Variants in SHANK2 observed in about 807,000 individuals in gnomAD.
SHANK2 encodes SH3 and multiple ankyrin repeat domains 2.
In SHANK2, 43 loss-of-function variants were observed where a neutral mutation model predicts 133.7. The observed-to-expected ratio is 0.32, with a 90% CI of 0.25 to 0.41. The LOEUF is 0.41. SHANK2 is among the 10% of genes least tolerant of loss of function. The pLI, the probability that SHANK2 is intolerant of heterozygous loss-of-function variation, is 1.00. For missense variants in SHANK2, 1,994 were observed against 2,235.8 expected (o/e 0.89, Z 2.18); for synonymous variants, 1,017 against 952.8 (o/e 1.07, Z -1.24).
chr11:70,722,477 C>T (rs1181393772), intron 14 of SHANK2, among the ~76,000 whole-genome samples: 5 of 152,228 alleles, frequency 3.3e-5, no homozygotes, highest in South Asian at 4.1e-4. Context: ...CTGATTCAAT[C>T]CCCTCTGTTT....
intron 17 of SHANK2, among the ~76,000 whole-genome samples, chr11:70,632,644 A>T (rs184819115): frequency 1.6e-3 from 239 of 152,106 alleles, no homozygotes; most frequent in Non-Finnish European, 2.3e-3. Context: ...TCTCCCAGGG[A>T]TGTGGGCACA....
chr11:71,158,457 TAAAG>T (rs1343151470), intron 2 of SHANK2, among the ~76,000 whole-genome samples: 9 of 152,166 alleles, frequency 5.9e-5, no homozygotes, highest in Non-Finnish European at 1.0e-4. Flanking sequence ...CTTTTTGAAA[TAAAG>T]AAAGAATTGA....
chr11:70,826,738 G>C (rs1555057290), intron 11 of SHANK2: 1 of 316,314 alleles, frequency 3.2e-6, no homozygotes, highest in Non-Finnish European at 6.3e-6. Flanking sequence ...CACGTAGACG[G>C]GCTGCTCTCA....
chr11:71,112,407 G>T (rs1475030586), intron 5 of SHANK2, among the ~76,000 whole-genome samples: 1 of 152,128 alleles, frequency 6.6e-6, no homozygotes, highest in Non-Finnish European at 1.5e-5. Context: ...AAACAAAAAA[G>T]AATCCTTGCA....
At chr11:70,818,781 G>C (rs557802231) in intron 12 of SHANK2, among the ~76,000 whole-genome samples, 5 of 152,192 alleles carry the variant, frequency 3.3e-5, no homozygotes, top group African/African-American at 9.6e-5. Flanking sequence ...ATCAGGCCTC[G>C]ACCCTGTCTA....
At chr11:70,949,304 ACCCTGTG>A (rs1187030327) in intron 10 of SHANK2, among the ~76,000 whole-genome samples, 4 of 152,238 alleles carry the variant, frequency 2.6e-5, no homozygotes, top group Admixed American at 2.6e-4. Flanking sequence ...TGGGCGAAGA[ACCCTGTG>A]CACAGCAACG....
At chr11:71,088,318 A>ACATG (rs1342187859) in intron 8 of SHANK2, among the ~76,000 whole-genome samples, 2 of 152,154 alleles carry the variant, frequency 1.3e-5, no homozygotes, top group Non-Finnish European at 2.9e-5. Flanking sequence ...ACACACACAC[A>ACATG]CATGCATGCA....
intron 6 of SHANK2, among the ~76,000 whole-genome samples, chr11:71,108,614 G>A (rs1332851831): frequency 2.0e-5 from 3 of 152,324 alleles, no homozygotes; most frequent in African/African-American, 7.2e-5. Flanking sequence ...CCTTGTCCAC[G>A]TCACTGCCCT....
intron 1 of SHANK2, among the ~76,000 whole-genome samples, chr11:71,249,685 GA>G (rs1344081182): frequency 6.6e-6 from 1 of 152,208 alleles, no homozygotes; most frequent in Non-Finnish European, 1.5e-5. Context: ...CATCGGGACT[GA>G]CGGGGATCCC....
At chr11:70,893,354 C>A (rs1555075085) in intron 11 of SHANK2, among the ~76,000 whole-genome samples, 1 of 152,258 alleles carries the variant, frequency 6.6e-6, no homozygotes, top group Non-Finnish European at 1.5e-5. Flanking sequence ...CACCTGGCCC[C>A]TGCCAGAGGG....
intron 10 of SHANK2, chr11:70,933,212 C>T (rs1555082813): frequency 2.2e-6 from 1 of 456,576 alleles, no homozygotes; most frequent in Non-Finnish European, 4.4e-6. Context: ...CTGACACAGG[C>T]TACAACATGG....
chr11:70,904,609 G>C (rs953214195), intron 10 of SHANK2, among the ~76,000 whole-genome samples: 2 of 151,298 alleles, frequency 1.3e-5, no homozygotes, highest in South Asian at 4.2e-4. Context: ...CCAGGTTCAA[G>C]TGATTCTCCT....
At chr11:71,073,126 TG>T (rs1368377707) in intron 9 of SHANK2, among the ~76,000 whole-genome samples, 45 of 149,082 alleles carry the variant, frequency 3.0e-4, no homozygotes, top group African/African-American at 1.1e-3. Flanking sequence ...GCTTGCTTTT[TG>T]TTTTTTTTCT....
At chr11:70,630,770 C>T (rs929334633) in intron 17 of SHANK2, among the ~76,000 whole-genome samples, 1 of 152,172 alleles carries the variant, frequency 6.6e-6, no homozygotes, top group African/African-American at 2.4e-5. Flanking sequence ...AGGGCCCTGC[C>T]GACACCTTGA....
intron 17 of SHANK2, among the ~76,000 whole-genome samples, chr11:70,562,147 T>C (rs782454371): frequency 3.3e-4 from 51 of 152,246 alleles, no homozygotes; most frequent in Non-Finnish European, 5.6e-4. Flanking sequence ...GATTCCGTTT[T>C]GGTTAGAGCT....
rs563793626 is a variant in SHANK2, at chr11:70,836,820, C to T, written c.1175-16138G>A. The stretch of plus-strand genomic sequence containing the variant: ...GTCCTGTGGCCTGAAGGTTTACATC[C>T]CCTCCAAATTCATGTGTTGAAACCC... On this transcript the variant is annotated intron_variant, in intron 11 of 25. Transcript: ENST00000601538. Among the ~76,000 whole-genome samples the T allele has an allele frequency of 7.9e-5, 12 of 152,360 alleles. No homozygotes were observed. In the South Asian group the frequency reaches 2.5e-3, roughly 32 times the overall value.
At chr11:70,564,265 T>C (rs1304157765) in intron 17 of SHANK2, among the ~76,000 whole-genome samples, 3 of 150,248 alleles carry the variant, frequency 2.0e-5, no homozygotes, top group African/African-American at 7.5e-5. Context: ...TCTTTTCTTT[T>C]TTTTTTTTTT....
At chr11:70,586,633 G>A (rs880001412) in intron 17 of SHANK2, among the ~76,000 whole-genome samples, 16 of 152,230 alleles carry the variant, frequency 1.1e-4, no homozygotes, top group South Asian at 4.1e-4. Flanking sequence ...CTCTGGCACC[G>A]TTGCTGTGGA....
intron 2 of SHANK2, among the ~76,000 whole-genome samples, chr11:71,185,422 G>A (rs1414155602): frequency 6.6e-6 from 1 of 152,100 alleles, no homozygotes; most frequent in East Asian, 1.9e-4. Flanking sequence ...TCTCCTCTTG[G>A]CCACATTCTG....
Sources: allele counts gnomAD v4.1 joint callset (sites outside exome capture counted in the v4.1 genomes callset), GRCh38; gene constraint gnomAD v4.1.1; transcripts MANE v1.5; gene names NCBI Gene and HGNC (gene_info 2026-07-23, HGNC 2026-07-21).